MPPED2: variants seen among roughly 807,000 people sequenced by gnomAD.
MPPED2 encodes the protein metallophosphoesterase domain containing 2, also known as metallophosphoesterase MPPED2.
MPPED2 carries 5 observed loss-of-function variants against 33.0 expected under a neutral mutation model. That is an observed-to-expected ratio of 0.15 (90% CI 0.08 to 0.32). The LOEUF is 0.32. Among genes scored for constraint, MPPED2 ranks in the 10% least tolerant of loss-of-function variants. MPPED2 has a pLI of 1.00. For missense variants in MPPED2, 275 were observed against 372.1 expected (o/e 0.74, Z 2.15); for synonymous variants, 136 against 141.9 (o/e 0.96, Z 0.29).
At chr11:30,422,000 G>T (rs138351311) in intron 4 of MPPED2, among the ~76,000 whole-genome samples, 39 of 152,280 alleles carry the variant, frequency 2.6e-4, no homozygotes, top group African/African-American at 7.5e-4. Context: ...TCTCAGCGTG[G>T]CATAACAAAT....
intron 4 of MPPED2, among the ~76,000 whole-genome samples, chr11:30,485,466 G>GT (rs1951694794): frequency 6.6e-6 from 1 of 152,136 alleles, no homozygotes; most frequent in Non-Finnish European, 1.5e-5. Flanking sequence ...CATAACATGT[G>GT]TAACAAGGTA....
chr11:30,454,284 C>T (rs1055390652), intron 4 of MPPED2, among the ~76,000 whole-genome samples: 2 of 152,126 alleles, frequency 1.3e-5, no homozygotes, highest in Non-Finnish European at 2.9e-5. Flanking sequence ...GGTTTACTGG[C>T]GTACTGTGAT....
chr11:30,407,781 G>C (rs1234008710), downstream of MPPED2, among the ~76,000 whole-genome samples: 1 of 152,182 alleles, frequency 6.6e-6, no homozygotes, highest in Non-Finnish European at 1.5e-5. Context: ...TAAGGCAGGA[G>C]AATTGCTTGA....
In MPPED2 at chr11:30,481,831, A is replaced by AT. The variant is rs548816566; in HGVS notation, c.536+13464dup. Among the ~76,000 whole-genome samples the AT allele has an allele frequency of 1.0e-3, 159 of 152,080 alleles. 1 individual carries two copies. Among genetic ancestry groups the AT allele is most frequent in the African/African-American group, 3.8e-3 (158 of 41,480 alleles). On this transcript the variant is annotated intron_variant, in intron 4 of 6. Coordinates refer to ENST00000358117, the MANE Select transcript of MPPED2 (RefSeq NM_001584.3). Reference sequence around the variant, plus strand: ...GACTCTGATTTAAAAAAGAAAACACATTTTTTCAGCTGAATAAATGCAGGG... The same window carrying AT: ...GACTCTGATTTAAAAAAGAAAACACATTTTTTTCAGCTGAATAAATGCAGGG...
chr11:30,506,491 G>A (rs1162357638), intron 3 of MPPED2, among the ~76,000 whole-genome samples: 1 of 152,180 alleles, frequency 6.6e-6, no homozygotes, highest in Non-Finnish European at 1.5e-5. Context: ...AGTCTCTGAT[G>A]AGATGAAGAA....
At chr11:30,569,506 T>C (rs1009768458) in intron 2 of MPPED2, among the ~76,000 whole-genome samples, 1 of 152,102 alleles carries the variant, frequency 6.6e-6, no homozygotes, top group Admixed American at 6.6e-5. Context: ...ACCCAAAATG[T>C]ATGGGTGAAG....
chr11:30,561,778 G>T (rs1321901045), intron 2 of MPPED2, among the ~76,000 whole-genome samples: 4 of 152,270 alleles, frequency 2.6e-5, no homozygotes, highest in African/African-American at 9.6e-5. Context: ...GTGACCACAG[G>T]GTTTCTCAAC....
At chr11:30,573,880 G>C (rs186613728) in intron 2 of MPPED2, among the ~76,000 whole-genome samples, 1 of 152,058 alleles carries the variant, frequency 6.6e-6, no homozygotes, top group Admixed American at 6.6e-5. Context: ...AAATAAAAAA[G>C]TTTGGTACAA....
At chr11:30,581,207 A>C (rs1957149991) in intron 1 of MPPED2, among the ~76,000 whole-genome samples, 1 of 152,158 alleles carries the variant, frequency 6.6e-6, no homozygotes. Context: ...CTTTGAATGC[A>C]TTCATTACCT....
chr11:30,418,472 A>T (rs1948471650), intron 4 of MPPED2, among the ~76,000 whole-genome samples: 1 of 152,238 alleles, frequency 6.6e-6, no homozygotes, highest in Admixed American at 6.5e-5. Flanking sequence ...TGGGAGACTG[A>T]TCAATTTCTC....
At chr11:30,514,421 T>G (rs1953405845) in intron 3 of MPPED2, among the ~76,000 whole-genome samples, 1 of 152,150 alleles carries the variant, frequency 6.6e-6, no homozygotes, top group Non-Finnish European at 1.5e-5. Context: ...AAAGCCACCA[T>G]GTAAGAGGAA....
intron 4 of MPPED2, among the ~76,000 whole-genome samples, chr11:30,444,667 T>A (rs1949725363): frequency 1.3e-5 from 2 of 152,318 alleles, no homozygotes; most frequent in African/African-American, 4.8e-5. Flanking sequence ...ATAATCTTGC[T>A]CCTTTCTACG....
At chr11:30,421,762 T>A (rs1208129109) in intron 4 of MPPED2, among the ~76,000 whole-genome samples, 2 of 152,144 alleles carry the variant, frequency 1.3e-5, no homozygotes, top group African/African-American at 4.8e-5. Context: ...TTTGCTCTCA[T>A]ATATGTAAAG....
At chr11:30,417,752 T>C in intron 4 of MPPED2, 119 bp from the exon 5 acceptor site, 1 of 648,198 alleles carries the variant, frequency 1.5e-6, no homozygotes, top group Non-Finnish European at 2.8e-6. Flanking sequence ...TTTTTGATGG[T>C]TGGCCCTGGC....
intron 3 of MPPED2, among the ~76,000 whole-genome samples, chr11:30,499,206 C>A (rs1438034383): frequency 1.3e-5 from 2 of 152,180 alleles, no homozygotes; most frequent in African/African-American, 2.4e-5. Flanking sequence ...GTTCTCTTCA[C>A]TTCTGCCTTT....
intron 3 of MPPED2, among the ~76,000 whole-genome samples, chr11:30,497,449 G>A (rs974656250): frequency 1.3e-5 from 2 of 152,040 alleles, no homozygotes; most frequent in Non-Finnish European, 2.9e-5. Flanking sequence ...TTCCAAGGCC[G>A]GTCCTTACTG....
At chr11:30,561,411 G>A (rs909849826) in intron 2 of MPPED2, among the ~76,000 whole-genome samples, 1 of 152,190 alleles carries the variant, frequency 6.6e-6, no homozygotes, top group Admixed American at 6.5e-5. Context: ...AACTAAATGT[G>A]AATGTACTGC....
At chr11:30,457,581 C>T (rs936175195) in intron 4 of MPPED2, among the ~76,000 whole-genome samples, 1 of 152,116 alleles carries the variant, frequency 6.6e-6, no homozygotes. Context: ...TTCCAGGAAT[C>T]GTTACATGTA....
intron 3 of MPPED2, among the ~76,000 whole-genome samples, chr11:30,501,250 T>G (rs1952546505): frequency 6.6e-6 from 1 of 152,198 alleles, no homozygotes; most frequent in South Asian, 2.1e-4. Flanking sequence ...CACTCCCTGA[T>G]GCCAGGCACA....
Sources: gnomAD v4.1 joint callset for allele counts (sites outside exome capture counted in the v4.1 genomes callset) on GRCh38, gnomAD v4.1.1 for gene constraint, MANE v1.5 for transcripts, NCBI Gene and HGNC (gene_info 2026-07-23, HGNC 2026-07-21) for gene names.